SENP2: variants seen among roughly 807,000 people sequenced by gnomAD.
SENP2 encodes the protein sentrin-specific protease 2.
In SENP2, 16 loss-of-function variants were observed where a neutral mutation model predicts 86.3. The ratio of observed to expected loss-of-function variants is 0.19; its 90% confidence interval spans 0.13 to 0.28. The LOEUF (loss-of-function observed/expected upper bound fraction) is 0.28. Ranked by LOEUF, SENP2 falls within the 10% of genes least tolerant of loss-of-function variation. The pLI is 1.00. For missense variants in SENP2, 552 were observed against 703.0 expected, an observed-to-expected ratio of 0.79 and a Z score of 2.43; for synonymous variants, 222 against 238.7, an observed-to-expected ratio of 0.93 and a Z score of 0.64.
intron 16 of SENP2, among the ~76,000 whole-genome samples, chr3:185,626,684 A>C (rs1712162234): frequency 6.6e-6 from 1 of 151,524 alleles, no homozygotes; most frequent in Non-Finnish European, 1.5e-5. Flanking sequence ...GAGGCAGGAG[A>C]ATCACTTGAA....
chr3:185,589,976 CT>C (rs1721922489), intron 1 of SENP2, 137 bp from the exon 2 acceptor site: 10 of 462,910 alleles, frequency 2.2e-5, no homozygotes, highest in Middle Eastern at 6.7e-4. Context: ...CCAGCATTCT[CT>C]TTTAAAACAT....
At position 185,609,231 on chromosome 3, in the gene SENP2, G is replaced by A. The variant is rs1446701226; in HGVS notation, c.619-16G>A. On this transcript the variant is annotated splice_polypyrimidine_tract_variant and intron_variant, in intron 6 of 16. Transcript: ENST00000296257. ...TAATGTGCTGGTACTTATCTAACAT[G>A]CTTTCTTTTATTTAGGGTGTTCAAA... 2.5e-6 allele frequency: 4 copies of A among 1,573,232 alleles called. No individual in the cohort carries two copies. In the Admixed American group the frequency reaches 5.0e-5, roughly 20 times the overall value.
chr3:185,626,378 T>G lies in SENP2; in HGVS notation c.1692T>G (p.Pro564=). ...KYADYISRDK[P]ITFTQHQMPL... is the part of the protein sequence containing the mutation. ...CAGATTATATTTCTAGGGACAAACCTATCACATTTACTCAGGTGAGTGAAG... is the reference window on the plus strand; with the variant it reads ...CAGATTATATTTCTAGGGACAAACCGATCACATTTACTCAGGTGAGTGAAG... Residue 564 remains proline (P), a synonymous_variant, in exon 16 of 17, where the codon CCT becomes CCG. Coordinates refer to ENST00000296257, the MANE Select transcript of SENP2 (RefSeq NM_021627.3). The G allele has an allele frequency of 6.2e-7, 1 of 1,606,448 alleles. No individual in the cohort carries two copies. The highest frequency in any genetic ancestry group is 8.5e-7 in the Non-Finnish European group (1 of 1,173,248).
intron 6 of SENP2, chr3:185,606,877 T>C: frequency 2.5e-6 from 1 of 401,372 alleles, no homozygotes; most frequent in Non-Finnish European, 4.8e-6. Flanking sequence ...CAGCTAAATT[T>C]AAAAATGAAA....
chr3:185,598,778 A>G (rs1226640815), intron 3 of SENP2, among the ~76,000 whole-genome samples, 180 bp from the exon 4 acceptor site: 1 of 152,234 alleles, frequency 6.6e-6, no homozygotes, highest in African/African-American at 2.4e-5. Flanking sequence ...TTAAGGATGT[A>G]CAAAGAAACT....
Position 185,619,402 on chromosome 3 carries a change from G to A in SENP2, c.1346G>A (p.Gly449Glu). ...TTCTTCTATCCTAAATTAAAGTCTG[G>A]GGGTTACCAAGCAGTGAAACGATGG... ...STFFYPKLKS[G>E]GYQAVKRWTK... Residue 449 changes from glycine to glutamate, a missense_variant, in exon 13 of 17, where the codon GGG (glycine) becomes GAG (glutamate). Gly to Glu is a moderately conservative substitution (Grantham distance 98). Around this residue, in one of 2 missense-constraint regions of SENP2, gnomAD observed 169 missense variants for 275.7 expected, o/e 0.61. Coordinates refer to ENST00000296257, the MANE Select transcript of SENP2 (RefSeq NM_021627.3). The A allele has an allele frequency of 6.2e-7, 1 of 1,613,960 alleles. No individual in the cohort carries two copies. Among genetic ancestry groups the A allele is most frequent in the Non-Finnish European group, 8.5e-7 (1 of 1,179,894 alleles).
chr3:185,592,011 C>CTTTCTTTTTTTTTTT (rs1722018748), intron 2 of SENP2, among the ~76,000 whole-genome samples: 1 of 65,804 alleles, frequency 1.5e-5, no homozygotes, highest in Non-Finnish European at 2.7e-5. Flanking sequence ...GGTAATATTT[C>CTTTCTTTTTTTTTTT]TTTTTTTTTT....
rs1025888829 is a variant in SENP2, at chr3:185,594,621, T to A, written c.158-3791T>A. ...ACCTCAGAATTTCAGGCTCATGATC[T>A]TTTTTTTTTTTTTTTTGGGACAGAG... On this transcript the variant is annotated intron_variant, in intron 2 of 16. Coordinates refer to ENST00000296257, the MANE Select transcript of SENP2 (RefSeq NM_021627.3). Among the ~76,000 whole-genome samples, 14 of 53,224 alleles carry A rather than the reference T, an allele frequency of 2.6e-4. No homozygotes were observed. In the South Asian group the frequency reaches 0.012, roughly 47 times the overall value. 34.9% of individuals were successfully genotyped at this position (53,224 alleles called of 152,430 possible).
chr3:185,600,672 A>G (rs1257720744), intron 4 of SENP2, 93 bp from the exon 5 acceptor site: 2 of 764,656 alleles, frequency 2.6e-6, no homozygotes, highest in Non-Finnish European at 4.6e-6. Flanking sequence ...TAGCTCTATG[A>G]TGTAGGTTGC....
chr3:185,596,148 T>C (rs1004928366), intron 2 of SENP2, among the ~76,000 whole-genome samples: 8 of 152,030 alleles, frequency 5.3e-5, no homozygotes, highest in African/African-American at 1.4e-4. Flanking sequence ...GTATTTTTAG[T>C]AGAGACGGTT....
chr3:185,592,225 C>T (rs1259530093), intron 2 of SENP2, among the ~76,000 whole-genome samples: 2 of 151,526 alleles, frequency 1.3e-5, no homozygotes, highest in Middle Eastern at 3.4e-3. Context: ...ACTATAGGCC[C>T]ATACCACCAC....
chr3:185,595,797 A>ATTT (rs1011999597), intron 2 of SENP2, among the ~76,000 whole-genome samples: 6 of 130,154 alleles, frequency 4.6e-5, no homozygotes, highest in African/African-American at 1.7e-4. Flanking sequence ...TGAGCCTGAG[A>ATTT]TTTTTTTTTT....
At chr3:185,614,250 T>G (rs80062265) in intron 10 of SENP2, among the ~76,000 whole-genome samples, 4,233 of 152,296 alleles carry the variant, frequency 0.028, 214 homozygotes, top group African/African-American at 0.097. Flanking sequence ...TGTTTAAAAC[T>G]TTCATAATAT....
chr3:185,627,602 G>A (rs1258467699), intron 16 of SENP2, among the ~76,000 whole-genome samples: 1 of 152,082 alleles, frequency 6.6e-6, no homozygotes, highest in African/African-American at 2.4e-5. Flanking sequence ...TAGCAGAGAT[G>A]GGGTTTCACC....
chr3:185,594,426 A>C (rs1722108955), intron 2 of SENP2, among the ~76,000 whole-genome samples: 1 of 152,152 alleles, frequency 6.6e-6, no homozygotes, highest in South Asian at 2.1e-4. Context: ...GAGCACTCGA[A>C]ATGTGGCTAG....
intron 7 of SENP2, among the ~76,000 whole-genome samples, chr3:185,610,110 AT>A (rs1433042903): frequency 1.3e-5 from 2 of 151,734 alleles, no homozygotes; most frequent in Non-Finnish European, 1.5e-5. Flanking sequence ...CAGAAATTAT[AT>A]AATAGCAAAT....
Position 185,614,696 on chromosome 3 carries a change from A to G in SENP2, c.1066A>G (p.Lys356Glu). Residue 356 changes from lysine (K) to glutamate (E), a missense_variant, in exon 11 of 17, where the codon AAA becomes GAA. This residue lies in a region of SENP2 where 383 missense variants were observed against 427.3 expected (regional missense o/e 0.90). Coordinates refer to ENST00000296257, the MANE Select transcript of SENP2 (RefSeq NM_021627.3). ...IETKEKNCSG[K>E]ERDRRTDDLL... ...GACAAAGGAAAAGAATTGCTCAGGC[A>G]AAGAGAGGGACAGAAGAACGGACGA... 6.2e-7 allele frequency: 1 copy of G among 1,614,252 alleles called. No homozygotes were observed. Among genetic ancestry groups the G allele is most frequent in the African/African-American group, 1.3e-5 (1 of 75,072 alleles).
intron 5 of SENP2, among the ~76,000 whole-genome samples, chr3:185,603,400 T>C (rs977883602): frequency 4.6e-5 from 7 of 152,084 alleles, no homozygotes; most frequent in African/African-American, 1.7e-4. Context: ...ACTCTAATCA[T>C]GAGAAAGCTG....
Position 185,614,645 on chromosome 3 carries a change from C to A in SENP2, c.1015C>A (p.Leu339Ile). ...CCTGGGCAGTGGAAGCAATGGCTTACTCAGGAGGAAAGTGTCAATAATTGA... is the reference window on the plus strand; with the variant it reads ...CCTGGGCAGTGGAAGCAATGGCTTAATCAGGAGGAAAGTGTCAATAATTGA... ...LRLGSGSNGL[L>I]RRKVSIIETK... is the part of the protein sequence containing the mutation. The change falls in exon 11 of 17, where the codon CTC (leucine) becomes ATC (isoleucine). Residue 339 changes from leucine to isoleucine, a missense_variant. Physicochemically the swap from Leu to Ile is conservative, Grantham distance 5. This residue lies in a region of SENP2 where 383 missense variants were observed against 427.3 expected (regional missense o/e 0.90). Transcript: ENST00000296257. 1 of 1,614,206 alleles carries A rather than the reference C, an allele frequency of 6.2e-7. No homozygotes were observed. Among genetic ancestry groups the A allele is most frequent in the Non-Finnish European group, 8.5e-7 (1 of 1,180,046 alleles).
Sources: allele counts gnomAD v4.1 joint callset (sites outside exome capture counted in the v4.1 genomes callset), GRCh38; gene constraint gnomAD v4.1.1; regional missense constraint gnomAD v4.1.1; transcripts MANE v1.5; gene names NCBI Gene and HGNC (gene_info 2026-07-23, HGNC 2026-07-21).